KCNH7: variants seen among roughly 807,000 people sequenced by gnomAD.
KCNH7 encodes voltage-gated inwardly rectifying potassium channel KCNH7.
KCNH7 carries 49 observed loss-of-function variants against 120.8 expected under a neutral mutation model. That is an observed-to-expected ratio of 0.41 (90% confidence interval 0.32 to 0.51). The LOEUF (loss-of-function observed/expected upper bound fraction) is 0.51. Ranked by LOEUF, KCNH7 falls within the 20% of genes least tolerant of loss-of-function variation. The pLI is 0.38. For synonymous variants in KCNH7, 547 were observed against 516.1 expected, an observed-to-expected ratio of 1.06 and a Z score of -0.81; for missense variants, 1,097 against 1,446.6, an observed-to-expected ratio of 0.76 and a Z score of 3.92.
chr2:162,808,392 G>T (rs1396900873), intron 2 of KCNH7, among the ~76,000 whole-genome samples: 1 of 152,090 alleles, frequency 6.6e-6, no homozygotes, highest in Non-Finnish European at 1.5e-5. Context: ...TTAGTATGAA[G>T]GAAATTCACC....
At chr2:162,719,959 C>A (rs1687268184) in intron 2 of KCNH7, among the ~76,000 whole-genome samples, 1 of 151,930 alleles carries the variant, frequency 6.6e-6, no homozygotes, top group African/African-American at 2.4e-5. Context: ...TTAGCTATGG[C>A]CAAGAAAAGT....
rs2105530118 is a variant in KCNH7, at chr2:162,438,255, T to C, written c.1555-2658A>G. On this transcript the variant is annotated intron_variant, in intron 7 of 15. Transcript: ENST00000332142. ...TAAAGACGGTAGAGTAAAAATGATG[T>C]TATGATAAGAAGAGCAATGAAATCT... is the stretch of plus-strand genomic sequence containing the variant. 3.3e-5 allele frequency among the ~76,000 whole-genome samples: 5 copies of C among 152,252 alleles called. No individual in the cohort carries two copies. The Middle Eastern group carries it at 0.017, about 518-fold the overall frequency.
chr2:162,679,884 A>G (rs1421040820), intron 2 of KCNH7, among the ~76,000 whole-genome samples: 1 of 151,772 alleles, frequency 6.6e-6, no homozygotes. Context: ...CTAAAAATGT[A>G]TTTAAAGTTT....
intron 2 of KCNH7, among the ~76,000 whole-genome samples, chr2:162,794,803 C>T (rs182024990): frequency 8.0e-4 from 121 of 152,058 alleles, no homozygotes; most frequent in Non-Finnish European, 6.5e-4. Flanking sequence ...TAACTTCAAA[C>T]TATAACATAG....
At chr2:162,568,646 A>G (rs1693345658) in intron 2 of KCNH7, among the ~76,000 whole-genome samples, 1 of 151,982 alleles carries the variant, frequency 6.6e-6, no homozygotes, top group South Asian at 2.1e-4. Flanking sequence ...GGTATTTATG[A>G]ATCAAAGGAT....
chr2:162,801,800 T>G (rs1684359848), intron 2 of KCNH7, among the ~76,000 whole-genome samples: 2 of 151,744 alleles, frequency 1.3e-5, no homozygotes, highest in Non-Finnish European at 3.0e-5. Flanking sequence ...GAGTCCTGCC[T>G]GAATACTAAT....
chr2:162,829,513 A>C (rs1685398131), intron 2 of KCNH7, among the ~76,000 whole-genome samples: 1 of 152,150 alleles, frequency 6.6e-6, no homozygotes, highest in Non-Finnish European at 1.5e-5. Flanking sequence ...GAACAGAAGA[A>C]AACTCTGGTT....
chr2:162,671,803 A>G (rs1685370460), intron 2 of KCNH7, among the ~76,000 whole-genome samples: 2 of 152,142 alleles, frequency 1.3e-5, no homozygotes, highest in Non-Finnish European at 2.9e-5. Flanking sequence ...ATCAAAGGAA[A>G]GCTGATATAG....
At position 162,371,607 on chromosome 2, in the gene KCNH7, A is replaced by G; in HGVS notation, c.*222T>C. 2 of 819,834 alleles carry G rather than the reference A, an allele frequency of 2.4e-6. No homozygotes were observed. The highest frequency in any genetic ancestry group is 1.8e-6 in the Non-Finnish European group (1 of 563,232). 50.8% of individuals were successfully genotyped at this position (819,834 alleles called of 1,614,324 possible). ...AAAATAAAAAATAAGGTGCCGTGAGATGCTGGCAGTTTTAACATTTGGAAC... is the reference window on the plus strand; with the variant it reads ...AAAATAAAAAATAAGGTGCCGTGAGGTGCTGGCAGTTTTAACATTTGGAAC... On this transcript the variant is annotated 3_prime_UTR_variant, in exon 16 of 16. Coordinates refer to ENST00000332142, the MANE Select transcript of KCNH7 (RefSeq NM_033272.4).
At chr2:162,655,729 G>A (rs1684731435) in intron 2 of KCNH7, among the ~76,000 whole-genome samples, 2 of 152,240 alleles carry the variant, frequency 1.3e-5, no homozygotes, top group African/African-American at 4.8e-5. Context: ...GGAGGCGGAG[G>A]TTGCAGTGAG....
intron 9 of KCNH7, among the ~76,000 whole-genome samples, chr2:162,408,235 T>C (rs1483779992): frequency 1.3e-5 from 2 of 152,068 alleles, no homozygotes; most frequent in African/African-American, 4.8e-5. Flanking sequence ...TAATAAAGGA[T>C]AGAAATCTAG....
chr2:162,700,963 C>A (rs1226105692), intron 2 of KCNH7, among the ~76,000 whole-genome samples: 1 of 152,164 alleles, frequency 6.6e-6, no homozygotes, highest in African/African-American at 2.4e-5. Flanking sequence ...TGGAATTATT[C>A]TTGTGTTTGC....
intron 3 of KCNH7, among the ~76,000 whole-genome samples, chr2:162,534,145 G>T (rs1692028228): frequency 6.6e-6 from 1 of 151,282 alleles, no homozygotes; most frequent in Non-Finnish European, 1.5e-5. Flanking sequence ...AATTCATGGG[G>T]TATAGCTTAC....
chr2:162,434,363 C>T (rs1688170298), intron 8 of KCNH7, among the ~76,000 whole-genome samples: 1 of 152,024 alleles, frequency 6.6e-6, no homozygotes, highest in Non-Finnish European at 1.5e-5. Context: ...AACCTGTGCA[C>T]ATACCCCCTG....
At chr2:162,624,147 C>A (rs935909835) in intron 2 of KCNH7, among the ~76,000 whole-genome samples, 1 of 152,096 alleles carries the variant, frequency 6.6e-6, no homozygotes, top group African/African-American at 2.4e-5. Flanking sequence ...ATCATCATGA[C>A]TCAATGACCC....
chr2:162,781,681 A>G (rs1276221461), intron 2 of KCNH7, among the ~76,000 whole-genome samples: 1 of 152,120 alleles, frequency 6.6e-6, no homozygotes, highest in African/African-American at 2.4e-5. Context: ...GTGTCTACAT[A>G]TTGACATGTA....
intron 2 of KCNH7, among the ~76,000 whole-genome samples, chr2:162,818,691 C>A (rs1684999789): frequency 6.6e-6 from 1 of 152,146 alleles, no homozygotes; most frequent in Non-Finnish European, 1.5e-5. Context: ...TGAATATGGA[C>A]TATTTCTCCT....
chr2:162,740,906 G>A (rs1224546066), intron 2 of KCNH7, among the ~76,000 whole-genome samples: 4 of 151,966 alleles, frequency 2.6e-5, no homozygotes, highest in East Asian at 1.9e-4. Context: ...GTACTTTTTC[G>A]GACTTTCTGG....
intron 2 of KCNH7, chr2:162,796,674 G>A (rs1246813516): frequency 6.6e-6 from 1 of 152,054 alleles, no homozygotes; most frequent in African/African-American, 2.4e-5. Flanking sequence ...CAGCAGCTAT[G>A]TGGAGCATCT....
Sources: gnomAD v4.1 joint callset for allele counts (sites outside exome capture counted in the v4.1 genomes callset) on GRCh38, gnomAD v4.1.1 for gene constraint, MANE v1.5 for transcripts, NCBI Gene and HGNC (gene_info 2026-07-23, HGNC 2026-07-21) for gene names.